The following SH3GL2 variants were observed in gnomAD, a reference collection of about 807,000 sequenced individuals.
SH3GL2 encodes the protein SH3 domain containing GRB2 like 2, endophilin A1.
A neutral mutation model predicts 46.0 loss-of-function variants in SH3GL2; 24 were observed. That is an observed-to-expected ratio of 0.52 (90% CI 0.38 to 0.73). SH3GL2 has a LOEUF of 0.73. SH3GL2 is among the 30% of genes least tolerant of loss of function. The probability of loss-of-function intolerance (pLI) is 0.00; values close to 1 mark genes in which losing one functional copy is unlikely to be tolerated. For missense variants in SH3GL2, 413 were observed against 424.2 expected (o/e 0.97, Z 0.23); for synonymous variants, 196 against 147.1 (o/e 1.33, Z -2.40).
At chr9:17,592,813 G>A (rs1364192039) in intron 1 of SH3GL2, among the ~76,000 whole-genome samples, 1 of 152,092 alleles carries the variant, frequency 6.6e-6, no homozygotes, top group Non-Finnish European at 1.5e-5. Flanking sequence ...CAGTGGCTGG[G>A]GACTCCTATA....
intron 1 of SH3GL2, among the ~76,000 whole-genome samples, chr9:17,606,703 A>G (rs1198133261): frequency 6.6e-6 from 1 of 152,152 alleles, no homozygotes; most frequent in Non-Finnish European, 1.5e-5. Flanking sequence ...GCTGCCTGCC[A>G]CCTTCTGTTT....
At position 17,627,269 on chromosome 9, in the gene SH3GL2, C is replaced by T. The variant is rs192899056; in HGVS notation, c.45+47982C>T. Among the ~76,000 whole-genome samples the T allele has an allele frequency of 2.4e-4, 36 of 152,250 alleles. No individual in the cohort carries two copies. The East Asian group carries it at 6.4e-3, about 27-fold the overall frequency. ...TGCAGCGCCATATATTGCTCCAAAG[C>T]TTAGATAGTGCCCAGAGCCCACCTA... On this transcript the variant is annotated intron_variant, in intron 1 of 8. Coordinates refer to ENST00000380607, the MANE Select transcript of SH3GL2 (RefSeq NM_003026.5).
intron 1 of SH3GL2, among the ~76,000 whole-genome samples, chr9:17,680,730 A>G (rs1820745217): frequency 6.6e-6 from 1 of 151,594 alleles, no homozygotes; most frequent in Admixed American, 6.6e-5. Flanking sequence ...TTAGGGTGTG[A>G]ATTTTAGATC....
intron 1 of SH3GL2, among the ~76,000 whole-genome samples, chr9:17,661,606 A>G (rs1033910771): frequency 4.6e-5 from 7 of 152,202 alleles, no homozygotes; most frequent in Non-Finnish European, 1.0e-4. Flanking sequence ...GCAACTTTTC[A>G]ATTTGTGTGT....
At chr9:17,721,986 C>T (rs1821905713) in intron 1 of SH3GL2, among the ~76,000 whole-genome samples, 1 of 152,112 alleles carries the variant, frequency 6.6e-6, no homozygotes, top group South Asian at 2.1e-4. Context: ...ATAGTTAACG[C>T]TGGTGCCTGA....
At position 17,738,575 on chromosome 9, in the gene SH3GL2, TAGAGAG is replaced by T. The variant is rs142654925; in HGVS notation, c.46-8477_46-8472del. ...GTGTGTATATACATACATATATATA[TAGAGAG>T]AGAGAGAGAGAGAATTTTATTTCAA... On this transcript the variant is annotated intron_variant, in intron 1 of 8. Coordinates refer to ENST00000380607, the MANE Select transcript of SH3GL2 (RefSeq NM_003026.5). 6.7e-3 allele frequency among the ~76,000 whole-genome samples: 718 copies of T among 107,948 alleles called. 9 individuals are homozygous for T. The highest frequency in any genetic ancestry group is 0.023 in the South Asian group (69 of 2,946). The allele number at this position is 107,948 out of a possible 152,430, so 70.8% of individuals were successfully genotyped here. A position where few individuals can be genotyped will look rare whatever the true frequency, so the allele number is the denominator to read the frequency against.
intron 1 of SH3GL2, among the ~76,000 whole-genome samples, chr9:17,671,417 C>T (rs928593399): frequency 4.6e-5 from 7 of 151,660 alleles, no homozygotes; most frequent in South Asian, 2.1e-4. Flanking sequence ...GGTTATGAGG[C>T]GATAACACGA....
chr9:17,701,405 AGGTAGTGGGTGAG>A (rs1468344051), intron 1 of SH3GL2, among the ~76,000 whole-genome samples: 2 of 152,094 alleles, frequency 1.3e-5, no homozygotes, highest in Non-Finnish European at 2.9e-5. Context: ...AGGTGGTAGC[AGGTAGTGGGTGAG>A]GGTAGGACTT....
intron 1 of SH3GL2, among the ~76,000 whole-genome samples, chr9:17,699,704 C>G (rs918011190): frequency 2.0e-5 from 3 of 152,214 alleles, no homozygotes; most frequent in Non-Finnish European, 2.9e-5. Flanking sequence ...CCACGTGCCT[C>G]TTTGAACAAG....
At chr9:17,783,193 C>G (rs10429636) in intron 3 of SH3GL2, among the ~76,000 whole-genome samples, 1 of 151,954 alleles carries the variant, frequency 6.6e-6, no homozygotes, top group African/African-American at 2.4e-5. Flanking sequence ...TCACAGCTAA[C>G]TAGCAAGATT....
intron 1 of SH3GL2, among the ~76,000 whole-genome samples, chr9:17,625,521 G>T (rs1411907707): frequency 6.6e-6 from 1 of 152,210 alleles, no homozygotes; most frequent in African/African-American, 2.4e-5. Context: ...TACCTTGTGT[G>T]ATAATCAGGC....
chr9:17,679,582 A>T (rs1422660317), intron 1 of SH3GL2, among the ~76,000 whole-genome samples: 5 of 152,164 alleles, frequency 3.3e-5, no homozygotes, highest in Admixed American at 6.6e-5. Flanking sequence ...AAACAGGGAC[A>T]ATTTGACTTC....
intron 1 of SH3GL2, among the ~76,000 whole-genome samples, chr9:17,667,854 G>A (rs557967946): frequency 6.6e-6 from 1 of 152,104 alleles, no homozygotes; most frequent in Admixed American, 6.5e-5. Context: ...ATCTTATTGG[G>A]TGTGAAATGG....
chr9:17,642,248 T>A (rs979498273), intron 1 of SH3GL2, among the ~76,000 whole-genome samples: 19 of 152,346 alleles, frequency 1.2e-4, no homozygotes, highest in African/African-American at 4.6e-4. Context: ...CCTTGTTGAT[T>A]ATGGATATTA....
At chr9:17,622,976 GTTTCCTTTCGTTTCCTTTCC>G (rs1819179551) in intron 1 of SH3GL2, among the ~76,000 whole-genome samples, 2 of 78,710 alleles carry the variant, frequency 2.5e-5, no homozygotes, top group African/African-American at 8.5e-5. Flanking sequence ...TTTTCCTTTC[GTTTCCTTTCGTTTCCTTTCC>G]TTTCCTTTCC....
chr9:17,766,278 A>G (rs1823315720), intron 3 of SH3GL2, among the ~76,000 whole-genome samples: 1 of 152,250 alleles, frequency 6.6e-6, no homozygotes, highest in Non-Finnish European at 1.5e-5. Flanking sequence ...CGCAGGACAG[A>G]CAGCTGTAAA....
chr9:17,585,567 C>T (rs7046994), intron 1 of SH3GL2, among the ~76,000 whole-genome samples: 4,933 of 152,056 alleles, frequency 0.032, 167 homozygotes, highest in African/African-American at 0.086. Context: ...AGGGGGGACA[C>T]GTGGGGTGGA....
At chr9:17,782,102 T>C (rs1216929021) in intron 3 of SH3GL2, among the ~76,000 whole-genome samples, 4 of 152,202 alleles carry the variant, frequency 2.6e-5, no homozygotes, top group South Asian at 2.1e-4. Context: ...CTTTTAAAAA[T>C]AGATTTTTGG....
chr9:17,688,821 G>A (rs1820994414), intron 1 of SH3GL2, among the ~76,000 whole-genome samples: 1 of 152,060 alleles, frequency 6.6e-6, no homozygotes, highest in Non-Finnish European at 1.5e-5. Context: ...CATACTGATG[G>A]AAGTAAATGA....
Sources: allele counts gnomAD v4.1 joint callset (sites outside exome capture counted in the v4.1 genomes callset), GRCh38; gene constraint gnomAD v4.1.1; transcripts MANE v1.5; gene names NCBI Gene and HGNC (gene_info 2026-07-23, HGNC 2026-07-21).